The following DLG2 variants were observed in gnomAD, a reference collection of about 807,000 sequenced individuals.
DLG2 encodes the protein disks large homolog 2.
Under a neutral mutation model 132.5 loss-of-function variants are expected in DLG2, and 45 were observed. That is an observed-to-expected ratio of 0.34 (90% CI 0.27 to 0.44). DLG2 has a LOEUF of 0.44. Ranked by LOEUF, DLG2 falls within the 20% of genes least tolerant of loss-of-function variation. The probability of loss-of-function intolerance (pLI) is 1.00; values close to 1 mark genes in which losing one functional copy is unlikely to be tolerated. For synonymous variants in DLG2, 424 were observed against 419.6 expected (o/e 1.01, Z -0.13); for missense variants, 1,045 against 1,196.9 (o/e 0.87, Z 1.87).
chr11:85,363,805 G>T (rs974021664), intron 3 of DLG2, among the ~76,000 whole-genome samples: 1 of 152,120 alleles, frequency 6.6e-6, no homozygotes, highest in Non-Finnish European at 1.5e-5. Context: ...TCATATAGTT[G>T]TCAAAGTATA....
At chr11:83,652,325 T>C (rs2070800678) in intron 18 of DLG2, among the ~76,000 whole-genome samples, 1 of 152,124 alleles carries the variant, frequency 6.6e-6, no homozygotes, top group Admixed American at 6.5e-5. Context: ...TGAGAGATGA[T>C]TAAGATGAAT....
At chr11:84,376,776 T>G (rs7128032) in intron 7 of DLG2, among the ~76,000 whole-genome samples, 8,974 of 151,472 alleles carry the variant, frequency 0.059, 887 homozygotes, top group African/African-American at 0.2. Context: ...ACTATGAAAA[T>G]TGGCAATTAA....
At chr11:84,983,571 T>C (rs182878720) in intron 6 of DLG2, among the ~76,000 whole-genome samples, 432 of 152,212 alleles carry the variant, frequency 2.8e-3, no homozygotes, top group Non-Finnish European at 4.3e-3. Context: ...ACTCTGGTGA[T>C]ATGAAAAAAC....
chr11:85,214,194 C>G (rs2082429910), intron 4 of DLG2, among the ~76,000 whole-genome samples: 1 of 152,144 alleles, frequency 6.6e-6, no homozygotes, highest in African/African-American at 2.4e-5. Context: ...GGTCTACCCT[C>G]TCCTTTCAGC....
At chr11:84,583,414 T>A (rs1195492464) in intron 6 of DLG2, among the ~76,000 whole-genome samples, 2 of 152,244 alleles carry the variant, frequency 1.3e-5, no homozygotes, top group Non-Finnish European at 2.9e-5. Context: ...AAGTCCACTT[T>A]CAGGTAACTC....
intron 7 of DLG2, among the ~76,000 whole-genome samples, chr11:84,267,955 G>T (rs894550466): frequency 1.3e-5 from 2 of 152,248 alleles, no homozygotes; most frequent in South Asian, 4.1e-4. Flanking sequence ...GAATTATTTA[G>T]TGTTGTTTTT....
chr11:84,601,994 G>C (rs937492023), intron 6 of DLG2, among the ~76,000 whole-genome samples: 3 of 151,842 alleles, frequency 2.0e-5, no homozygotes, highest in African/African-American at 7.3e-5. Context: ...AATTCCAGAG[G>C]TCTAGAATTC....
chr11:85,467,301 T>A, intron 3 of DLG2, among the ~76,000 whole-genome samples: 1 of 152,188 alleles, frequency 6.6e-6, no homozygotes. Context: ...TACCCGTTAT[T>A]TCCTTCTCCT....
intron 2 of DLG2, among the ~76,000 whole-genome samples, chr11:85,612,287 C>A (rs2081063272): frequency 6.6e-6 from 1 of 152,204 alleles, no homozygotes; most frequent in Admixed American, 6.5e-5. Context: ...GGTTTCCCAA[C>A]AAGGGATCTA....
chr11:85,298,305 A>C (rs903267524), intron 3 of DLG2, among the ~76,000 whole-genome samples: 2 of 152,200 alleles, frequency 1.3e-5, no homozygotes, highest in Admixed American at 1.3e-4. Flanking sequence ...TATAGATATT[A>C]ATATAGATGT....
chr11:83,533,299 A>G (rs557418113), intron 20 of DLG2, among the ~76,000 whole-genome samples: 51 of 152,252 alleles, frequency 3.3e-4, no homozygotes, highest in African/African-American at 1.1e-3. Context: ...ATCTCTGCAG[A>G]TTCATTGTTT....
intron 10 of DLG2, among the ~76,000 whole-genome samples, chr11:84,067,328 C>T (rs1210410647): frequency 6.6e-6 from 1 of 152,042 alleles, no homozygotes; most frequent in African/African-American, 2.4e-5. Flanking sequence ...AGCGAGACAC[C>T]ATCTCCAAAC....
At chr11:85,221,881 C>G (rs893978140) in intron 4 of DLG2, among the ~76,000 whole-genome samples, 4 of 152,072 alleles carry the variant, frequency 2.6e-5, no homozygotes, top group South Asian at 2.1e-4. Context: ...TCCCAAAAAC[C>G]CTGTGAAGTA....
At chr11:84,420,673 T>A (rs1601813803) in intron 7 of DLG2, among the ~76,000 whole-genome samples, 2 of 79,896 alleles carry the variant, frequency 2.5e-5, no homozygotes, top group East Asian at 6.6e-4. Context: ...TTTTTTTTTT[T>A]TTTTTTTTTT....
chr11:83,969,901 A>G (rs74453174), intron 12 of DLG2, among the ~76,000 whole-genome samples: 9 of 151,400 alleles, frequency 5.9e-5, no homozygotes, highest in East Asian at 5.8e-4. Flanking sequence ...GTGATGTTCT[A>G]TGGTTTAAAA....
chr11:84,751,808 G>C (rs1242884034), intron 6 of DLG2, among the ~76,000 whole-genome samples: 1 of 152,146 alleles, frequency 6.6e-6, no homozygotes, highest in Non-Finnish European at 1.5e-5. Flanking sequence ...GCCTAGAAGA[G>C]GTTAGGATGC....
chr11:85,363,014 G>T (rs541417884), intron 3 of DLG2, among the ~76,000 whole-genome samples: 28 of 152,316 alleles, frequency 1.8e-4, no homozygotes, highest in African/African-American at 6.5e-4. Flanking sequence ...CACTGTCACA[G>T]AAGATGCAAA....
intron 6 of DLG2, among the ~76,000 whole-genome samples, chr11:85,032,572 C>T (rs867070715): frequency 6.6e-6 from 1 of 152,096 alleles, no homozygotes; most frequent in Non-Finnish European, 1.5e-5. Flanking sequence ...GAAAGGTGGT[C>T]TGCTCTAAAG....
intron 7 of DLG2, among the ~76,000 whole-genome samples, chr11:84,259,906 A>G (rs146435782): frequency 2.0e-5 from 3 of 152,268 alleles, no homozygotes; most frequent in Admixed American, 2.0e-4. Context: ...CCACTGCAAT[A>G]CATTTGCTTC....
Sources: gnomAD v4.1 joint callset for allele counts (sites outside exome capture counted in the v4.1 genomes callset) on GRCh38, gnomAD v4.1.1 for gene constraint, MANE v1.5 for transcripts, NCBI Gene and HGNC (gene_info 2026-07-23, HGNC 2026-07-21) for gene names.